Variants in IRF2 observed in about 807,000 individuals in gnomAD.
The protein encoded by IRF2 is interferon regulatory factor 2.
In IRF2, 15 loss-of-function variants were observed where a neutral mutation model predicts 40.6. The ratio of observed to expected loss-of-function variants is 0.37; its 90% CI spans 0.25 to 0.57. The LOEUF is 0.57. Ranked by LOEUF, IRF2 falls within the 20% of genes least tolerant of loss-of-function variation. The probability of loss-of-function intolerance (pLI) is 0.77; values close to 1 mark genes in which losing one functional copy is unlikely to be tolerated. For missense variants in IRF2, 317 were observed against 455.7 expected (o/e 0.70, Z 2.77); for synonymous variants, 151 against 165.5 (o/e 0.91, Z 0.67).
At chr4:184,431,428 GAA>G (rs1737873501) in intron 1 of IRF2, among the ~76,000 whole-genome samples, 1 of 152,192 alleles carries the variant, frequency 6.6e-6, no homozygotes, top group Non-Finnish European at 1.5e-5. Context: ...AAGAGTTTCA[GAA>G]AAGACTAGGG....
chr4:184,450,135 G>A (rs1249701420), intron 1 of IRF2, among the ~76,000 whole-genome samples: 2 of 152,184 alleles, frequency 1.3e-5, no homozygotes, highest in African/African-American at 4.8e-5. Context: ...AGTAATTAGG[G>A]CAGAACCCCT....
chr4:184,416,331 A>AAAAAAAAAAAAAAG (rs1737270775), intron 5 of IRF2, among the ~76,000 whole-genome samples: 2 of 148,452 alleles, frequency 1.3e-5, no homozygotes, highest in Admixed American at 6.7e-5. Context: ...AAAAAAACAA[A>AAAAAAAAAAAAAAG]AAAAAAAAAA....
intron 1 of IRF2, among the ~76,000 whole-genome samples, chr4:184,440,671 AT>A (rs1481811548): frequency 1.3e-5 from 2 of 151,940 alleles, no homozygotes; most frequent in East Asian, 3.9e-4. Flanking sequence ...TCCTGTTCCC[AT>A]TTTCCACAGG....
At chr4:184,427,630 G>A (rs1445465422) in intron 2 of IRF2, among the ~76,000 whole-genome samples, 1 of 152,044 alleles carries the variant, frequency 6.6e-6, no homozygotes, top group Non-Finnish European at 1.5e-5. Flanking sequence ...GGGTGACAGA[G>A]GGAGACCTTG....
At chr4:184,406,953 T>G (rs1356987174) in intron 6 of IRF2, among the ~76,000 whole-genome samples, 1 of 152,230 alleles carries the variant, frequency 6.6e-6, no homozygotes, top group African/African-American at 2.4e-5. Flanking sequence ...ACTTCCTAAT[T>G]GCCGTATGTC....
chr4:184,446,244 T>C (rs1348561143), intron 1 of IRF2, among the ~76,000 whole-genome samples: 1 of 152,206 alleles, frequency 6.6e-6, no homozygotes, highest in East Asian at 1.9e-4. Flanking sequence ...TAATTTGTTA[T>C]GGCAGCCACA....
intron 1 of IRF2, among the ~76,000 whole-genome samples, chr4:184,450,976 A>G (rs1392560664): frequency 6.6e-6 from 1 of 152,210 alleles, no homozygotes; most frequent in African/African-American, 2.4e-5. Context: ...CGAAAAGACT[A>G]AATACCCAGA....
chr4:184,469,951 T>A (rs1238877845), intron 1 of IRF2, among the ~76,000 whole-genome samples: 3 of 152,194 alleles, frequency 2.0e-5, no homozygotes, highest in African/African-American at 4.8e-5. Flanking sequence ...CTGGACCCTA[T>A]ATGTTATTCA....
At chr4:184,420,550 C>T (rs1392923545) in intron 2 of IRF2, among the ~76,000 whole-genome samples, 1 of 152,216 alleles carries the variant, frequency 6.6e-6, no homozygotes, top group Non-Finnish European at 1.5e-5. Flanking sequence ...CTCTACATCT[C>T]TCTCAGTGTT....
chr4:184,398,870 C>T lies in IRF2; in HGVS notation c.694+45G>A, dbSNP rs112725705. ...TGGGTGACCCTAGACCAAAGGACTG[C>T]GCGGCCGGTTCCCACGCCTCCCGGA... On this transcript the variant is annotated intron_variant, in intron 7 of 8. Transcript: ENST00000393593. The T allele has an allele frequency of 1.7e-3, 2,692 of 1,538,344 alleles. 33 individuals are homozygous for T. In the African/African-American group the frequency reaches 0.024, roughly 14 times the overall value.
chr4:184,473,593 C>T (rs1303840376), intron 1 of IRF2, among the ~76,000 whole-genome samples: 1 of 147,620 alleles, frequency 6.8e-6, no homozygotes, highest in Admixed American at 6.7e-5. Flanking sequence ...GCGGCCCAGC[C>T]CCCAGGAAGC....
intron 3 of IRF2, among the ~76,000 whole-genome samples, chr4:184,419,235 C>T (rs114386974): frequency 0.012 from 1,797 of 152,174 alleles, 10 homozygotes; most frequent in Non-Finnish European, 0.02. Flanking sequence ...TAGGGAACTT[C>T]TTAGAATACC....
At chr4:184,425,203 CA>C (rs1272231792) in intron 2 of IRF2, among the ~76,000 whole-genome samples, 1 of 152,214 alleles carries the variant, frequency 6.6e-6, no homozygotes, top group African/African-American at 2.4e-5. Flanking sequence ...GGAATGACCT[CA>C]AACCACTCAA....
chr4:184,397,477 A>T (rs1343188009), intron 7 of IRF2, among the ~76,000 whole-genome samples: 1 of 152,204 alleles, frequency 6.6e-6, no homozygotes, highest in African/African-American at 2.4e-5. Flanking sequence ...GTACCTAAAA[A>T]TGGCTAAAAT....
intron 1 of IRF2, among the ~76,000 whole-genome samples, chr4:184,450,390 A>G (rs1485502834): frequency 6.6e-6 from 1 of 152,228 alleles, no homozygotes; most frequent in African/African-American, 2.4e-5. Context: ...AAAAATCAGC[A>G]TCATTTTCCT....
intron 1 of IRF2, among the ~76,000 whole-genome samples, chr4:184,432,813 C>G (rs1346937371): frequency 2.6e-5 from 4 of 152,188 alleles, no homozygotes; most frequent in African/African-American, 9.6e-5. Flanking sequence ...ATGCCTGGAG[C>G]CACCAGAAGC....
intron 6 of IRF2, among the ~76,000 whole-genome samples, chr4:184,405,458 A>G (rs1736821508): frequency 6.6e-6 from 1 of 152,164 alleles, no homozygotes; most frequent in Non-Finnish European, 1.5e-5. Context: ...TGTCTCTATG[A>G]GCAGCCACAG....
intron 1 of IRF2, among the ~76,000 whole-genome samples, chr4:184,458,269 T>A (rs989715866): frequency 7.2e-5 from 11 of 152,262 alleles, no homozygotes; most frequent in African/African-American, 2.4e-4. Context: ...AGCCTTTGGC[T>A]TGCTGTGCTT....
At chr4:184,396,984 A>G (rs115233649) in intron 7 of IRF2, among the ~76,000 whole-genome samples, 3,244 of 152,278 alleles carry the variant, frequency 0.021, 124 homozygotes, top group African/African-American at 0.074. Flanking sequence ...ACTGTACCCA[A>G]GCACTGAGCA....
Sources: allele counts gnomAD v4.1 joint callset (sites outside exome capture counted in the v4.1 genomes callset), GRCh38; gene constraint gnomAD v4.1.1; transcripts MANE v1.5; gene names NCBI Gene and HGNC (gene_info 2026-07-23, HGNC 2026-07-21).